Variants in N4BP2L2 observed in about 807,000 individuals in gnomAD.
N4BP2L2 encodes NEDD4-binding protein 2-like 2.
Under a neutral mutation model 56.2 loss-of-function variants are expected in N4BP2L2, and 50 were observed. That is an observed-to-expected ratio of 0.89 (90% CI 0.71 to 1.13). N4BP2L2 has a LOEUF of 1.13. N4BP2L2 is among the 50% of genes most tolerant of loss of function. The pLI, the probability that N4BP2L2 is intolerant of heterozygous loss-of-function variation, is 0.00. For missense variants in N4BP2L2, 689 were observed against 693.8 expected (o/e 0.99, Z 0.08); for synonymous variants, 203 against 223.6 (o/e 0.91, Z 0.82).
exon 6 of N4BP2L2, chr13:32,516,764 G>GT: frequency 3.3e-6 from 1 of 304,328 alleles, no homozygotes; most frequent in Non-Finnish European, 4.8e-6. Context: ...GAAGACATTG[G>GT]TAACAATGGT....
At chr13:32,488,822 A>C (rs1245513771) in intron 6 of N4BP2L2, among the ~76,000 whole-genome samples, 1 of 152,256 alleles carries the variant, frequency 6.6e-6, no homozygotes, top group Non-Finnish European at 1.5e-5. Context: ...AGGCAAAAAA[A>C]GAAAATATAC....
chr13:32,475,436 G>A (rs1304447591), intron 6 of N4BP2L2, among the ~76,000 whole-genome samples: 2 of 152,220 alleles, frequency 1.3e-5, no homozygotes, highest in African/African-American at 2.4e-5. Context: ...TGGCTAGCAC[G>A]AATGTGCCAA....
chr13:32,517,078 G>A, exon 6 of N4BP2L2: 1 of 976,410 alleles, frequency 1.0e-6, no homozygotes, highest in African/African-American at 1.8e-5. Flanking sequence ...ACATTAAATT[G>A]AACAGAGAGA....
intron 6 of N4BP2L2, among the ~76,000 whole-genome samples, chr13:32,456,576 TAATC>T (rs972931141): frequency 3.9e-5 from 6 of 152,058 alleles, no homozygotes; most frequent in African/African-American, 1.4e-4. Context: ...AAAATAATGA[TAATC>T]AAAGTAGCTC....
chr13:32,487,584 A>T (rs1161385890), intron 6 of N4BP2L2, among the ~76,000 whole-genome samples: 1 of 151,226 alleles, frequency 6.6e-6, no homozygotes, highest in Non-Finnish European at 1.5e-5. Context: ...AGGCAGGACA[A>T]TCACTTGAAC....
rs954711638 is a variant in N4BP2L2 at position 32,522,404 on chromosome 13, T to C, written c.1385-134A>G. ...AACTGTGCAATCTCTTCAGTCAGTA[T>C]CATGAAAAAAAGAACTCCACTAGAT... is the stretch of plus-strand genomic sequence containing the variant. On this transcript the variant is annotated intron_variant, in intron 3 of 5. Transcript: ENST00000267068. 6 of 495,190 alleles carry C rather than the reference T, an allele frequency of 1.2e-5. No homozygotes were observed. In the African/African-American group the frequency reaches 1.2e-4, roughly 10 times the overall value. The allele number at this position is 495,190 out of a possible 1,614,324, so 30.7% of individuals were successfully genotyped here.
intron 7 of N4BP2L2, among the ~76,000 whole-genome samples, chr13:32,440,759 G>A (rs779590738): frequency 2.0e-5 from 3 of 151,728 alleles, no homozygotes; most frequent in African/African-American, 4.8e-5. Flanking sequence ...CACTGTGGCC[G>A]GCCCAAAAAG....
intron 6 of N4BP2L2, among the ~76,000 whole-genome samples, chr13:32,481,147 A>AAAAAC (rs148970353): frequency 6.7e-6 from 1 of 149,838 alleles, no homozygotes; most frequent in Non-Finnish European, 1.5e-5. Flanking sequence ...AAAAAAAAAA[A>AAAAAC]AGGATTGCAC....
At chr13:32,533,391 G>A (rs1263561074) in intron 2 of N4BP2L2, among the ~76,000 whole-genome samples, 5 of 152,052 alleles carry the variant, frequency 3.3e-5, no homozygotes, top group Non-Finnish European at 7.4e-5. Context: ...TTAGAGACAT[G>A]CTGATTGAGA....
At chr13:32,525,262 T>C (rs182073664) in intron 3 of N4BP2L2, 79 of 152,226 alleles carry the variant, frequency 5.2e-4, no homozygotes, top group African/African-American at 1.9e-3. Context: ...TTCTATGGCA[T>C]TAAAAAAATA....
intron 3 of N4BP2L2, 160 bp from the exon 4 acceptor site, chr13:32,522,430 TG>T: frequency 2.3e-6 from 1 of 436,326 alleles, no homozygotes; most frequent in East Asian, 3.7e-5. Context: ...TCCACTAGAT[TG>T]AAAGGGAATT....
Position 32,526,710 on chromosome 13 carries a change from C to G in N4BP2L2, c.1384+698G>C, listed in dbSNP as rs563076327. Among the ~76,000 whole-genome samples, 14 of 151,088 alleles carry G rather than the reference C, an allele frequency of 9.3e-5. No homozygotes were observed. The South Asian group carries it at 2.7e-3, about 29-fold the overall frequency. On this transcript the variant is annotated intron_variant, in intron 3 of 5. Coordinates refer to ENST00000267068, the Ensembl canonical transcript of N4BP2L2. ...ACAGTTTTCAATTCTGACTATACAT[C>G]AGAATCGTCTGGAGAAATTTCAAAA...
At chr13:32,518,378 T>C (rs184459887) in intron 5 of N4BP2L2, among the ~76,000 whole-genome samples, 1 of 152,254 alleles carries the variant, frequency 6.6e-6, no homozygotes, top group African/African-American at 2.4e-5. Flanking sequence ...TGAAGTAAAA[T>C]ATCACTTTTT....
At chr13:32,462,264 G>GA (rs1319128983) in intron 6 of N4BP2L2, among the ~76,000 whole-genome samples, 1 of 152,148 alleles carries the variant, frequency 6.6e-6, no homozygotes, top group Non-Finnish European at 1.5e-5. Flanking sequence ...CTTGGACATA[G>GA]AAAAAATAAT....
At chr13:32,471,890 C>T (rs914824083) in intron 6 of N4BP2L2, among the ~76,000 whole-genome samples, 1 of 152,230 alleles carries the variant, frequency 6.6e-6, no homozygotes, top group African/African-American at 2.4e-5. Context: ...TGGAAACTGA[C>T]ACTGGGTGTG....
rs552582967 is a variant in N4BP2L2 at position 32,449,775 on chromosome 13, C to T, written c.366-5649G>A. 9.2e-5 allele frequency among the ~76,000 whole-genome samples: 14 copies of T among 152,112 alleles called. 1 individual carries two copies. Among genetic ancestry groups the T allele is most frequent in the South Asian group, 8.3e-4 (4 of 4,816 alleles). On this transcript the variant is annotated intron_variant, in intron 6 of 9. Transcript: ENST00000357505. The stretch of plus-strand genomic sequence containing the variant: ...CTTATAAATTTCACTGAGACTCCCA[C>T]GATGCAATTCAAGAGTAGAATGTGG...
intron 6 of N4BP2L2, among the ~76,000 whole-genome samples, chr13:32,480,257 T>C (rs2084332267): frequency 6.6e-6 from 1 of 152,208 alleles, no homozygotes; most frequent in Non-Finnish European, 1.5e-5. Context: ...CCTACTATTC[T>C]ATATCTATTG....
chr13:32,459,003 C>T (rs1247623606), intron 6 of N4BP2L2, among the ~76,000 whole-genome samples: 3 of 152,094 alleles, frequency 2.0e-5, no homozygotes, highest in East Asian at 1.9e-4. Context: ...AGAGACTGTA[C>T]AAACACATGG....
At chr13:32,519,272 C>T (rs207647) in intron 5 of N4BP2L2, among the ~76,000 whole-genome samples, 2,177 of 150,148 alleles carry the variant, frequency 0.014, 22 homozygotes, top group Non-Finnish European at 0.023. Flanking sequence ...ATTAGCTGGG[C>T]ATGGTGGTGG....
Sources: gnomAD v4.1 joint callset for allele counts (sites outside exome capture counted in the v4.1 genomes callset) on GRCh38, gnomAD v4.1.1 for gene constraint, MANE v1.5 for transcripts, NCBI Gene and HGNC (gene_info 2026-07-23, HGNC 2026-07-21) for gene names.